The following ARFIP1 variants were observed in gnomAD, a reference collection of about 807,000 sequenced individuals.
ARFIP1 encodes arfaptin-1.
ARFIP1 carries 24 observed loss-of-function variants against 42.5 expected under a neutral mutation model. The ratio of observed to expected loss-of-function variants is 0.57; its 90% CI spans 0.41 to 0.80. The LOEUF is 0.80. Among genes scored for constraint, ARFIP1 ranks in the 30% least tolerant of loss-of-function variants. The pLI, the probability that ARFIP1 is intolerant of heterozygous loss-of-function variation, is 0.00. For missense variants in ARFIP1, 354 were observed against 434.0 expected (o/e 0.82, Z 1.64); for synonymous variants, 141 against 153.7 (o/e 0.92, Z 0.61).
At chr4:152,894,168 A>G (rs1737103496) in intron 8 of ARFIP1, among the ~76,000 whole-genome samples, 1 of 150,846 alleles carries the variant, frequency 6.6e-6, no homozygotes, top group South Asian at 2.1e-4. Flanking sequence ...AGATCGCGCC[A>G]CTACACTCCA....
At position 152,912,163 on chromosome 4, in the gene ARFIP1, A is replaced by G. The variant is rs1738895263; in HGVS notation, c.*1944A>G. ...CATGGATTAATTTTTTTCAGAATAA[A>G]TTTAAAATATCCATGATTCTGATAG... On this transcript the variant is annotated 3_prime_UTR_variant, in exon 9 of 9. Transcript: ENST00000353617. 1 of 152,208 alleles carries G rather than the reference A, an allele frequency of 6.6e-6. No homozygotes were observed. The highest frequency in any genetic ancestry group is 2.4e-5 in the African/African-American group (1 of 41,474). 9.4% of individuals were successfully genotyped at this position (152,208 alleles called of 1,614,324 possible). A position where few individuals can be genotyped will look rare whatever the true frequency, so the allele number is the denominator to read the frequency against.
chr4:152,789,463 A>G (rs770545492), intron 1 of ARFIP1, among the ~76,000 whole-genome samples: 1 of 152,160 alleles, frequency 6.6e-6, no homozygotes, highest in Non-Finnish European at 1.5e-5. Flanking sequence ...AATGTTCATC[A>G]GTTTTGTCCA....
intron 8 of ARFIP1, among the ~76,000 whole-genome samples, chr4:152,906,726 A>G (rs192096505): frequency 4.6e-5 from 7 of 152,296 alleles, no homozygotes; most frequent in Non-Finnish European, 7.4e-5. Flanking sequence ...AGATCTTTTT[A>G]ATGATATCTA....
intron 1 of ARFIP1, among the ~76,000 whole-genome samples, chr4:152,824,183 C>T (rs1408068916): frequency 6.6e-6 from 1 of 150,474 alleles, no homozygotes; most frequent in Admixed American, 6.6e-5. Context: ...AGTGTTGGTG[C>T]AGGCCTGTAA....
In ARFIP1 at chr4:152,882,779, T is replaced by C. The variant is rs751187430; in HGVS notation, c.690T>C (p.Thr230=). ...AACTGCTGGCTAAAAATGGAGAGACTCTTCTTGGGGCCATTAATTTTTTCA... is the reference window on the plus strand; with the variant it reads ...AACTGCTGGCTAAAAATGGAGAGACCCTTCTTGGGGCCATTAATTTTTTCA... The part of the protein sequence containing the change: ...TQKLLAKNGE[T]LLGAINFFIA... The change falls in exon 7 of 9, where the codon ACT becomes ACC. Residue 230 remains threonine, a synonymous_variant. Transcript: ENST00000353617. 6.8e-6 allele frequency: 11 copies of C among 1,613,448 alleles called. No homozygotes were observed. The highest frequency in any genetic ancestry group is 9.3e-6 in the Non-Finnish European group (11 of 1,179,606).
chr4:152,852,537 G>A (rs1442178284), intron 2 of ARFIP1, among the ~76,000 whole-genome samples: 1 of 152,212 alleles, frequency 6.6e-6, no homozygotes, highest in East Asian at 1.9e-4. Context: ...GGAGGCTGAG[G>A]CAGGAGAATT....
At chr4:152,823,541 G>A (rs1730559080) in intron 1 of ARFIP1, among the ~76,000 whole-genome samples, 1 of 152,124 alleles carries the variant, frequency 6.6e-6, no homozygotes, top group African/African-American at 2.4e-5. Flanking sequence ...AGCCCTTTGG[G>A]AGGCCAAGGC....
chr4:152,868,247 A>C (rs1282552832), intron 3 of ARFIP1, among the ~76,000 whole-genome samples: 1 of 152,188 alleles, frequency 6.6e-6, no homozygotes, highest in African/African-American at 2.4e-5. Context: ...ATCAAAGCTC[A>C]CAAGAGTGAA....
intron 1 of ARFIP1, among the ~76,000 whole-genome samples, chr4:152,789,208 A>G (rs1731002863): frequency 1.4e-5 from 2 of 145,072 alleles, no homozygotes; most frequent in Non-Finnish European, 3.0e-5. Context: ...TTCCTGTCTC[A>G]GCCTCCCAAG....
intron 4 of ARFIP1, among the ~76,000 whole-genome samples, chr4:152,872,027 T>C (rs10013266): frequency 0.13 from 19,361 of 152,196 alleles, 1,289 homozygotes; most frequent in Middle Eastern, 0.18. Flanking sequence ...TGTTGTAGTC[T>C]GCACATTACA....
intron 2 of ARFIP1, among the ~76,000 whole-genome samples, chr4:152,834,624 GGTGC>G (rs1561130804): frequency 3.9e-5 from 6 of 152,330 alleles, no homozygotes; most frequent in Non-Finnish European, 8.8e-5. Flanking sequence ...TGGGCACACT[GGTGC>G]ACGGGATGGG....
chr4:152,877,774 A>G (rs780733176), intron 5 of ARFIP1, among the ~76,000 whole-genome samples: 63 of 152,150 alleles, frequency 4.1e-4, no homozygotes, highest in Non-Finnish European at 6.9e-4. Context: ...TGTCTGTGCT[A>G]TTCTTGTGAT....
rs770036152 is a variant in ARFIP1, at chr4:152,863,736, A to G, written c.202+22A>G. 5.3e-6 allele frequency: 8 copies of G among 1,502,096 alleles called. No individual in the cohort carries two copies. In the African/African-American group the frequency reaches 9.7e-5, roughly 18 times the overall value. The allele number at this position is 1,502,096 out of a possible 1,614,324, so 93.0% of individuals were successfully genotyped here. A position where few individuals can be genotyped will look rare whatever the true frequency, so the allele number is the denominator to read the frequency against. Reference sequence around the variant, plus strand: ...CAAGGTAAGAGCCCATATATTTGTAAAGATGGCTGGGATAGAGGATGGGAG... The same window carrying G: ...CAAGGTAAGAGCCCATATATTTGTAGAGATGGCTGGGATAGAGGATGGGAG... On this transcript the variant is annotated intron_variant, in intron 3 of 8. Transcript: ENST00000353617.
chr4:152,788,031 G>A (rs1024598989), intron 1 of ARFIP1, among the ~76,000 whole-genome samples: 2 of 152,150 alleles, frequency 1.3e-5, no homozygotes, highest in Non-Finnish European at 2.9e-5. Context: ...TTCAAGACCA[G>A]CCTGGCCAAC....
At chr4:152,841,992 G>T (rs1193249894) in intron 2 of ARFIP1, among the ~76,000 whole-genome samples, 1 of 152,170 alleles carries the variant, frequency 6.6e-6, no homozygotes, top group South Asian at 2.1e-4. Flanking sequence ...GGGTTTTCCT[G>T]TTGAGAGCGG....
At chr4:152,796,970 ATG>A (rs1473296920) in intron 1 of ARFIP1, 1 of 247,210 alleles carries the variant, frequency 4.0e-6, no homozygotes, top group African/African-American at 2.3e-5. Context: ...TTTGCTTTGC[ATG>A]TACTATGTGT....
chr4:152,884,134 C>A (rs1339421328), intron 7 of ARFIP1, among the ~76,000 whole-genome samples: 2 of 151,916 alleles, frequency 1.3e-5, no homozygotes, highest in Non-Finnish European at 2.9e-5. Context: ...TTTATTTTGT[C>A]ATTTTCCATT....
intron 8 of ARFIP1, among the ~76,000 whole-genome samples, chr4:152,898,549 T>C (rs1427992627): frequency 6.6e-6 from 1 of 152,182 alleles, no homozygotes; most frequent in Admixed American, 6.5e-5. Context: ...GATCCTAAAG[T>C]ACTATATAAG....
chr4:152,840,617 CCTTTAAGTTT>C (rs1399949758), intron 2 of ARFIP1, among the ~76,000 whole-genome samples: 1 of 151,954 alleles, frequency 6.6e-6, no homozygotes, highest in Non-Finnish European at 1.5e-5. Context: ...TTTTACCACT[CCTTTAAGTTT>C]ATCTGAGTCC....
Sources: gnomAD v4.1 joint callset for allele counts (sites outside exome capture counted in the v4.1 genomes callset) on GRCh38, gnomAD v4.1.1 for gene constraint, MANE v1.5 for transcripts, NCBI Gene and HGNC (gene_info 2026-07-23, HGNC 2026-07-21) for gene names.